RUNX1T1: variants seen among roughly 807,000 people sequenced by gnomAD.
The protein encoded by RUNX1T1 is RUNX1 partner transcriptional co-repressor 1, also known as protein CBFA2T1.
Under a neutral mutation model 62.8 loss-of-function variants are expected in RUNX1T1, and 4 were observed. The observed-to-expected ratio is 0.06, with a 90% CI of 0.03 to 0.15. The LOEUF is 0.15. RUNX1T1 is among the 10% of genes least tolerant of loss of function. RUNX1T1 has a pLI of 1.00. For missense variants in RUNX1T1, 508 were observed against 754.3 expected (o/e 0.67, Z 3.82); for synonymous variants, 291 against 286.0 (o/e 1.02, Z -0.18).
In RUNX1T1 at chr8:92,095,716, G is replaced by A. The variant is rs866099620; in HGVS notation, c.-86+3864C>T. ...GGAGGGGGCGGGGGCTCAGACCCCA[G>A]GATGGGGCCAGAAAGTGGGGGAGAG... is the stretch of plus-strand genomic sequence containing the variant. On this transcript the variant is annotated intron_variant, in intron 1 of 11. Transcript: ENST00000265814. 7 of 658,922 alleles carry A rather than the reference G, an allele frequency of 1.1e-5. No individual in the cohort carries two copies. The South Asian group carries it at 1.8e-4, about 17-fold the overall frequency. The allele number at this position is 658,922 out of a possible 1,614,324, so 40.8% of individuals were successfully genotyped here. A position where few individuals can be genotyped will look rare whatever the true frequency, so the allele number is the denominator to read the frequency against.
chr8:91,987,396 T>C (rs1385280163), intron 6 of RUNX1T1, among the ~76,000 whole-genome samples: 7 of 152,206 alleles, frequency 4.6e-5, no homozygotes, highest in African/African-American at 1.7e-4. Context: ...GGAAGGGTTA[T>C]GCTTTCCCAA....
At chr8:91,994,692 G>A in intron 5 of RUNX1T1, 2 of 452,282 alleles carry the variant, frequency 4.4e-6, no homozygotes, top group South Asian at 1.8e-5. Context: ...CTGAAGGTAG[G>A]CAATGAAGAA....
chr8:91,997,744 G>A (rs1586901532), intron 5 of RUNX1T1, among the ~76,000 whole-genome samples: 4 of 152,048 alleles, frequency 2.6e-5, no homozygotes, highest in African/African-American at 9.7e-5. Flanking sequence ...CACTTTGCCA[G>A]TATCCCCCAG....
At chr8:92,083,115 C>T (rs954745058) in intron 1 of RUNX1T1, among the ~76,000 whole-genome samples, 2 of 152,126 alleles carry the variant, frequency 1.3e-5, no homozygotes, top group African/African-American at 4.8e-5. Flanking sequence ...CATTTATGAA[C>T]TTCAGGGTAA....
chr8:91,986,165 G>A, exon 8 of RUNX1T1: 2 of 1,614,116 alleles, frequency 1.2e-6, no homozygotes, highest in Non-Finnish European at 1.7e-6. Flanking sequence ...CTGCTGCCTA[G>A]AGTGGCTGCT....
Position 92,006,848 on chromosome 8 carries a change from A to C in RUNX1T1, c.478-1551T>G, listed in dbSNP as rs548926004. ...TCCCCTCACCCACCAACCGCCCTCA[A>C]GTCAGTTTTCTAAGAGTATTAATCA... On this transcript the variant is annotated intron_variant, in intron 4 of 10. Transcript: ENST00000396218. 5.9e-5 allele frequency: 9 copies of C among 152,172 alleles called. No individual in the cohort carries two copies. In the South Asian group the frequency reaches 1.9e-3, roughly 32 times the overall value. 9.4% of individuals were successfully genotyped at this position (152,172 alleles called of 1,614,324 possible).
intron 1 of RUNX1T1, among the ~76,000 whole-genome samples, chr8:92,077,241 A>G (rs1387362961): frequency 6.6e-6 from 1 of 152,152 alleles, no homozygotes; most frequent in Non-Finnish European, 1.5e-5. Flanking sequence ...ATACATTACT[A>G]GATATTTCTT....
At chr8:92,018,192 C>T (rs1162914576) in intron 1 of RUNX1T1, among the ~76,000 whole-genome samples, 1 of 152,184 alleles carries the variant, frequency 6.6e-6, no homozygotes, top group Non-Finnish European at 1.5e-5. Context: ...TGTAAGTATA[C>T]TTTTCCCTTG....
intron 1 of RUNX1T1, among the ~76,000 whole-genome samples, chr8:92,037,084 G>A (rs1345212998): frequency 6.6e-6 from 1 of 152,138 alleles, no homozygotes; most frequent in Non-Finnish European, 1.5e-5. Context: ...ATCGCCTCAT[G>A]AAATAAAAAT....
intron 10 of RUNX1T1, among the ~76,000 whole-genome samples, chr8:91,970,058 T>TGTGTGA (rs1370769755): frequency 7.1e-6 from 1 of 140,454 alleles, no homozygotes; most frequent in African/African-American, 3.2e-5. Flanking sequence ...TGTGTGTGTG[T>TGTGTGA]GAGAATTATT....
intron 1 of RUNX1T1, among the ~76,000 whole-genome samples, chr8:92,058,152 A>G (rs1321615203): frequency 6.6e-6 from 1 of 152,084 alleles, no homozygotes; most frequent in East Asian, 1.9e-4. Context: ...TCTGCTGGGA[A>G]CACTAGAACT....
At chr8:92,009,354 C>T (rs1456455341) in intron 4 of RUNX1T1, among the ~76,000 whole-genome samples, 1 of 152,124 alleles carries the variant, frequency 6.6e-6, no homozygotes, top group Admixed American at 6.5e-5. Flanking sequence ...TTTGAATGCA[C>T]TTATTAAGGC....
intron 2 of RUNX1T1, among the ~76,000 whole-genome samples, chr8:92,075,250 T>C (rs1834249205): frequency 6.6e-6 from 1 of 152,236 alleles, no homozygotes; most frequent in South Asian, 2.1e-4. Flanking sequence ...CCTTATGCCC[T>C]GGTGCTTCTG....
In RUNX1T1 at chr8:92,014,786, C is replaced by A. The variant is rs757554284; in HGVS notation, c.180G>T (p.Leu60Phe). The change falls in exon 3 of 11, where the codon TTG becomes TTT. Residue 60 changes from leucine (L) to phenylalanine (F), a missense_variant. Coordinates refer to ENST00000396218, the Ensembl canonical transcript of RUNX1T1. ...CATTGGGTGGTGAGGGGGCGCCATT[C>A]AAGGCTGTAGGAGAATGGCTCGTGC... is the stretch of plus-strand genomic sequence containing the variant. 6.2e-6 allele frequency: 10 copies of A among 1,613,492 alleles called. No individual in the cohort carries two copies. In the South Asian group the frequency reaches 1.1e-4, roughly 18 times the overall value.
chr8:91,960,874 C>A (rs1348971475), intron 10 of RUNX1T1, among the ~76,000 whole-genome samples: 1 of 152,180 alleles, frequency 6.6e-6, no homozygotes, highest in Non-Finnish European at 1.5e-5. Flanking sequence ...TTCCCAATAC[C>A]TATACCACAA....
chr8:91,964,052 G>A (rs1393567580), intron 10 of RUNX1T1, among the ~76,000 whole-genome samples: 1 of 152,106 alleles, frequency 6.6e-6, no homozygotes, highest in East Asian at 1.9e-4. Context: ...CCAAAGTTAG[G>A]TTGTGACTCA....
chr8:92,043,120 G>A (rs1315964260), intron 1 of RUNX1T1, among the ~76,000 whole-genome samples: 2 of 152,130 alleles, frequency 1.3e-5, no homozygotes, highest in Non-Finnish European at 2.9e-5. Context: ...TGGAGAAAGA[G>A]GTGTTCTAAG....
At chr8:92,001,588 T>C (rs563180978) in intron 5 of RUNX1T1, among the ~76,000 whole-genome samples, 10 of 152,162 alleles carry the variant, frequency 6.6e-5, no homozygotes, top group Non-Finnish European at 1.0e-4. Flanking sequence ...AATAATGGCA[T>C]ATAAGAAGGG....
At chr8:92,012,150 A>G (rs1010512927) in intron 3 of RUNX1T1, among the ~76,000 whole-genome samples, 12 of 152,222 alleles carry the variant, frequency 7.9e-5, no homozygotes, top group African/African-American at 2.9e-4. Context: ...CTTCATATGA[A>G]ACTATGAATA....
Sources: gnomAD v4.1 joint callset for allele counts (sites outside exome capture counted in the v4.1 genomes callset) on GRCh38, gnomAD v4.1.1 for gene constraint, MANE v1.5 for transcripts, NCBI Gene and HGNC (gene_info 2026-07-23, HGNC 2026-07-21) for gene names.